The following RPS6KA2 variants were observed in gnomAD, a reference collection of about 807,000 sequenced individuals.
The protein encoded by RPS6KA2 is ribosomal protein S6 kinase A2, also known as ribosomal protein S6 kinase alpha-2.
Under a neutral mutation model 91.8 loss-of-function variants are expected in RPS6KA2, and 42 were observed. The ratio of observed to expected loss-of-function variants is 0.46; its 90% CI spans 0.36 to 0.59. The LOEUF (loss-of-function observed/expected upper bound fraction) is 0.59, where lower values mean the gene tolerates loss of function less well. RPS6KA2 is among the 20% of genes least tolerant of loss of function. The pLI, the probability that RPS6KA2 is intolerant of heterozygous loss-of-function variation, is 0.00. For missense variants in RPS6KA2, 798 were observed against 978.5 expected (o/e 0.82, Z 2.46); for synonymous variants, 414 against 393.6 (o/e 1.05, Z -0.61).
intron 2 of RPS6KA2, among the ~76,000 whole-genome samples, chr6:166,700,791 T>G (rs6940335): frequency 0.63 from 96,461 of 151,946 alleles, 32,040 homozygotes; most frequent in African/African-American, 0.83. Context: ...ATATTAAGAA[T>G]AATTAGAATA....
chr6:166,664,374 G>A lies in RPS6KA2; in HGVS notation c.124-125590C>T, dbSNP rs1788256565. On this transcript the variant is annotated intron_variant, in intron 2 of 21. Coordinates refer to the RPS6KA2 transcript ENST00000503859. ...TTCCGGGTGATAACTGTTGGTCATG[G>A]TCAATGTCAGCACACTCATTTAAGA... 2.6e-5 allele frequency among the ~76,000 whole-genome samples: 4 copies of A among 152,214 alleles called. No individual in the cohort carries two copies. The South Asian group carries it at 8.3e-4, about 32-fold the overall frequency.
chr6:166,789,041 G>A (rs763259120), intron 2 of RPS6KA2, among the ~76,000 whole-genome samples: 26 of 152,262 alleles, frequency 1.7e-4, no homozygotes, highest in Non-Finnish European at 2.8e-4. Flanking sequence ...TACCGTGCGC[G>A]AGCTGAAGCA....
chr6:166,480,482 TATATATATATA>T (rs1182486546), intron 10 of RPS6KA2, among the ~76,000 whole-genome samples: 1 of 10,460 alleles, frequency 9.6e-5, no homozygotes, highest in East Asian at 0.016. Context: ...TGTGATTTTA[TATATATATATA>T]TATATATATA....
At chr6:166,705,228 G>A (rs887339341) in intron 2 of RPS6KA2, among the ~76,000 whole-genome samples, 15 of 152,234 alleles carry the variant, frequency 9.9e-5, no homozygotes, top group African/African-American at 3.6e-4. Context: ...CAAGCCAAGA[G>A]CAAGGCGCCA....
rs1745777189 is a variant in RPS6KA2, at chr6:166,767,701, T to G, written c.123+90499A>C. ...GTTTGGGTCACCTCATTATTTTATTTGCATATCAGGTTACCTGACAAAAGA... is the reference window on the plus strand; with the variant it reads ...GTTTGGGTCACCTCATTATTTTATTGGCATATCAGGTTACCTGACAAAAGA... On this transcript the variant is annotated intron_variant, in intron 2 of 21. Transcript: ENST00000503859. This position sits in a 1 kb window ranked among gnomAD's most constrained non-coding sequence, Gnocchi z 4.6. 2.0e-5 allele frequency among the ~76,000 whole-genome samples: 3 copies of G among 152,136 alleles called. No individual in the cohort carries two copies. The highest frequency in any genetic ancestry group is 2.0e-4 in the Admixed American group (3 of 15,256).
At chr6:166,475,976 A>T (rs1780958628) in intron 10 of RPS6KA2, 5 of 379,450 alleles carry the variant, frequency 1.3e-5, no homozygotes, top group South Asian at 1.1e-4. Context: ...CCAAATTTGT[A>T]TGCTGAAGCC....
Position 166,648,154 on chromosome 6 carries a change from A to ACT in RPS6KA2, c.124-109371_124-109370insAG, listed in dbSNP as rs1554242174. Reference sequence around the variant, plus strand: ...CATACATGCACACACGCACATGGTTACACACCCATGCACACATGCTCACAC... The same window carrying ACT: ...CATACATGCACACACGCACATGGTTACTCACACCCATGCACACATGCTCACAC... On this transcript the variant is annotated intron_variant, in intron 2 of 21. Transcript: ENST00000503859. The surrounding 1 kb of genome is among the most constrained non-coding windows in gnomAD (Gnocchi z 4.8). 1.4e-5 allele frequency among the ~76,000 whole-genome samples: 1 copy of ACT among 73,122 alleles called. No homozygotes were observed. Among genetic ancestry groups the ACT allele is most frequent in the Admixed American group, 1.4e-4 (1 of 7,312 alleles). The allele number at this position is 73,122 out of a possible 152,430, so 48.0% of individuals were successfully genotyped here. A position where few individuals can be genotyped will look rare whatever the true frequency, so the allele number is the denominator to read the frequency against.
rs1408048708 is a variant in RPS6KA2, at chr6:166,494,506, A to G, written c.748-3765T>C. ...GGAGAAGGATAAAGTGGTCTCACGAAACCAGAGTGCTCAAGAGATGCTTTA... is the reference window on the plus strand; with the variant it reads ...GGAGAAGGATAAAGTGGTCTCACGAGACCAGAGTGCTCAAGAGATGCTTTA... On this transcript the variant is annotated intron_variant, in intron 8 of 20. Transcript: ENST00000265678. This position sits in a 1 kb window ranked among gnomAD's most constrained non-coding sequence, Gnocchi z 5.1. 6.6e-6 allele frequency among the ~76,000 whole-genome samples: 1 copy of G among 152,224 alleles called. No individual in the cohort carries two copies. Among genetic ancestry groups the G allele is most frequent in the Non-Finnish European group, 1.5e-5 (1 of 68,040 alleles).
Position 166,456,477 on chromosome 6 carries a change from C to G in RPS6KA2, c.1075+2972G>C, listed in dbSNP as rs560497991. On this transcript the variant is annotated intron_variant, in intron 12 of 20. Coordinates refer to ENST00000265678, the MANE Select transcript of RPS6KA2 (RefSeq NM_021135.6). Reference sequence around the variant, plus strand: ...TCCTGATTTGTGGAGTCTGCCTGATCGGTTTAAAATCTTAGATTGGCATCT... The same window carrying G: ...TCCTGATTTGTGGAGTCTGCCTGATGGGTTTAAAATCTTAGATTGGCATCT... 9.9e-5 allele frequency among the ~76,000 whole-genome samples: 15 copies of G among 152,272 alleles called. No individual in the cohort carries two copies. In the South Asian group the frequency reaches 3.1e-3, roughly 32 times the overall value.
rs1246158886 is a variant in RPS6KA2, at chr6:166,508,289, G to A, written c.380-7C>T. On this transcript the variant is annotated splice_polypyrimidine_tract_variant and splice_region_variant and intron_variant, in intron 4 of 20. Coordinates refer to ENST00000265678, the MANE Select transcript of RPS6KA2 (RefSeq NM_021135.6). This position sits in a 1 kb window ranked among gnomAD's most constrained non-coding sequence, Gnocchi z 4.3. ...TTTCCTTCCGTCTGAAAGGCTGTGG[G>A]GGACAGAGACCCGCATTTTGACAGC... is the stretch of plus-strand genomic sequence containing the variant. 1.2e-6 allele frequency: 2 copies of A among 1,600,938 alleles called. No individual in the cohort carries two copies. Among genetic ancestry groups the A allele is most frequent in the East Asian group, 4.5e-5 (2 of 44,802 alleles).
At chr6:166,550,874 G>A (rs539980400) in intron 1 of RPS6KA2, among the ~76,000 whole-genome samples, 86 of 151,594 alleles carry the variant, frequency 5.7e-4, no homozygotes, top group Admixed American at 3.7e-3. Context: ...GGTGGCGGGC[G>A]CCTGTAGTCC....
chr6:166,853,356 A>C (rs1780797421), intron 2 of RPS6KA2, among the ~76,000 whole-genome samples: 1 of 152,258 alleles, frequency 6.6e-6, no homozygotes, highest in South Asian at 2.1e-4. Flanking sequence ...CTCACCTAAA[A>C]ATCATCTATG....
At chr6:166,836,854 G>A (rs1165484300) in intron 2 of RPS6KA2, among the ~76,000 whole-genome samples, 1 of 152,214 alleles carries the variant, frequency 6.6e-6, no homozygotes, top group East Asian at 1.9e-4. Context: ...CTGCACCCAA[G>A]CTGGCCCACC....
chr6:166,555,562 G>A (rs758461288), intron 1 of RPS6KA2, among the ~76,000 whole-genome samples: 3 of 151,882 alleles, frequency 2.0e-5, no homozygotes, highest in Non-Finnish European at 4.4e-5. Flanking sequence ...CAAATTCCTC[G>A]GGGAGGTGGA....
intron 7 of RPS6KA2, among the ~76,000 whole-genome samples, chr6:166,499,167 G>A (rs371958896): frequency 8.9e-4 from 135 of 152,364 alleles, no homozygotes; most frequent in African/African-American, 3.1e-3. Context: ...CAGAGGCCGA[G>A]CTATGATGGA....
At chr6:166,744,712 C>CT (rs1300110985) in intron 2 of RPS6KA2, among the ~76,000 whole-genome samples, 2 of 152,164 alleles carry the variant, frequency 1.3e-5, no homozygotes, top group Admixed American at 6.5e-5. Context: ...GAGATGACAC[C>CT]TGGGGGCATG....
At chr6:166,596,687 T>G (rs960996934) in intron 1 of RPS6KA2, among the ~76,000 whole-genome samples, 1 of 152,216 alleles carries the variant, frequency 6.6e-6, no homozygotes, top group African/African-American at 2.4e-5. Context: ...AACTTGCAGA[T>G]GGCCTATAGT....
At chr6:166,597,886 A>T (rs1409005672) in intron 1 of RPS6KA2, among the ~76,000 whole-genome samples, 1 of 152,142 alleles carries the variant, frequency 6.6e-6, no homozygotes, top group Non-Finnish European at 1.5e-5. Flanking sequence ...CCAGCCGGGC[A>T]CCGTGCTATT....
At chr6:166,827,198 T>A (rs1025602903) in intron 2 of RPS6KA2, among the ~76,000 whole-genome samples, 1 of 123,444 alleles carries the variant, frequency 8.1e-6, no homozygotes, top group Non-Finnish European at 1.6e-5. Context: ...GTACACCTGA[T>A]AATGAAAAAG....
Sources: gnomAD v4.1 joint callset for allele counts (sites outside exome capture counted in the v4.1 genomes callset) on GRCh38, gnomAD v4.1.1 for gene constraint, Gnocchi (gnomAD v3.1) non-coding constraint, MANE v1.5 for transcripts, NCBI Gene and HGNC (gene_info 2026-07-23, HGNC 2026-07-21) for gene names.